The following RIC8B variants were observed in gnomAD, a reference collection of about 807,000 sequenced individuals.
The protein encoded by RIC8B is RIC8 guanine nucleotide exchange factor B.
Under a neutral mutation model 57.5 loss-of-function variants are expected in RIC8B, and 16 were observed. That is an observed-to-expected ratio of 0.28 (90% CI 0.19 to 0.42). RIC8B has a LOEUF of 0.42. Among genes scored for constraint, RIC8B ranks in the 10% least tolerant of loss-of-function variants. The pLI, the probability that RIC8B is intolerant of heterozygous loss-of-function variation, is 1.00. For missense variants in RIC8B, 481 were observed against 677.0 expected (o/e 0.71, Z 3.21); for synonymous variants, 216 against 250.8 (o/e 0.86, Z 1.31).
At chr12:106,822,520 A>G (rs148011229) in intron 3 of RIC8B, 2 of 152,368 alleles carry the variant, frequency 1.3e-5, no homozygotes, top group East Asian at 1.9e-4. Flanking sequence ...AGTACAGCAG[A>G]TAAGTAAATT....
chr12:106,859,714 C>T (rs1227000565), intron 7 of RIC8B, among the ~76,000 whole-genome samples: 2 of 152,042 alleles, frequency 1.3e-5, no homozygotes, highest in Admixed American at 1.3e-4. Flanking sequence ...TCGTAATGGG[C>T]TTCATGTGCT....
At chr12:106,775,331 A>T in intron 1 of RIC8B, 2 of 456,122 alleles carry the variant, frequency 4.4e-6, no homozygotes, top group South Asian at 3.1e-5. Context: ...CAGAGTGTTT[A>T]TAGGGTAGAT....
intron 2 of RIC8B, among the ~76,000 whole-genome samples, chr12:106,803,355 T>G (rs954232817): frequency 6.6e-6 from 1 of 152,100 alleles, no homozygotes; most frequent in Non-Finnish European, 1.5e-5. Flanking sequence ...GTACTGCTAG[T>G]GTTTGTTAAT....
Position 106,810,116 on chromosome 12 carries a change from T to C in RIC8B, c.133-4580T>C, listed in dbSNP as rs574981342. On this transcript the variant is annotated intron_variant, in intron 2 of 9. Transcript: ENST00000392837. ...AAAGAGTGCTTATTATGTCCCAGCG[T>C]CTATTTTATAACATCCCTGTGAGAT... Among the ~76,000 whole-genome samples the C allele has an allele frequency of 2.0e-5, 3 of 150,492 alleles. No individual in the cohort carries two copies. The East Asian group carries it at 5.8e-4, about 29-fold the overall frequency.
chr12:106,816,803 C>T (rs1054545795), intron 3 of RIC8B, among the ~76,000 whole-genome samples: 1 of 152,072 alleles, frequency 6.6e-6, no homozygotes, highest in African/African-American at 2.4e-5. Context: ...TATTAGTATA[C>T]TTCAGTTATA....
At chr12:106,856,154 TGC>T (rs1949708533) in intron 7 of RIC8B, among the ~76,000 whole-genome samples, 1 of 152,182 alleles carries the variant, frequency 6.6e-6, no homozygotes, top group Non-Finnish European at 1.5e-5. Flanking sequence ...ACCATCTTAG[TGC>T]AGACCCTTAA....
intron 2 of RIC8B, among the ~76,000 whole-genome samples, chr12:106,806,148 C>T (rs1385972673): frequency 3.3e-5 from 5 of 152,080 alleles, no homozygotes; most frequent in South Asian, 2.1e-4. Flanking sequence ...GGTTTCTCCA[C>T]GTTGGCCAGG....
chr12:106,827,249 A>G (rs886202631), intron 4 of RIC8B, among the ~76,000 whole-genome samples: 2 of 152,208 alleles, frequency 1.3e-5, no homozygotes, highest in South Asian at 2.1e-4. Context: ...CTTCATCATG[A>G]TGCTACTCAT....
chr12:106,820,579 C>T (rs2045794408), intron 3 of RIC8B, among the ~76,000 whole-genome samples: 1 of 152,200 alleles, frequency 6.6e-6, no homozygotes. Flanking sequence ...ACATTCCCTT[C>T]TCCCGTGCTT....
chr12:106,843,308 A>G (rs1347401737), intron 5 of RIC8B, among the ~76,000 whole-genome samples: 9 of 152,236 alleles, frequency 5.9e-5, no homozygotes, highest in African/African-American at 2.2e-4. Flanking sequence ...AGCATAGTCC[A>G]GTCACCAAAA....
Position 106,879,024 on chromosome 12 carries a change from A to G in RIC8B, c.1572-6880A>G. 1 of 984,142 alleles carries G rather than the reference A, an allele frequency of 1.0e-6. No individual in the cohort carries two copies. 61.0% of individuals were successfully genotyped at this position (984,142 alleles called of 1,614,324 possible). A position where few individuals can be genotyped will look rare whatever the true frequency, so the allele number is the denominator to read the frequency against. On this transcript the variant is annotated intron_variant, in intron 9 of 9. Coordinates refer to ENST00000392837, the MANE Select transcript of RIC8B (RefSeq NM_001330145.2). This position sits in a 1 kb window ranked among gnomAD's most constrained non-coding sequence, Gnocchi z 4.9. ...ATTCCATGTGTCAATACTGCCCTGTAGTACACAGAGCAGACAAGAAAGAAG... is the reference window on the plus strand; with the variant it reads ...ATTCCATGTGTCAATACTGCCCTGTGGTACACAGAGCAGACAAGAAAGAAG...
chr12:106,783,884 T>TA, intron 1 of RIC8B, 113 bp from the exon 2 acceptor site: 3 of 842,226 alleles, frequency 3.6e-6, no homozygotes, highest in Non-Finnish European at 5.8e-6. Context: ...AATATTGAGA[T>TA]ACGGGAAGGC....
At chr12:106,807,456 A>G (rs930999612) in intron 2 of RIC8B, among the ~76,000 whole-genome samples, 1 of 152,234 alleles carries the variant, frequency 6.6e-6, no homozygotes, top group Non-Finnish European at 1.5e-5. Context: ...CCTAGGCTGG[A>G]CTGCCACTTT....
At chr12:106,812,233 G>T (rs921121673) in intron 2 of RIC8B, among the ~76,000 whole-genome samples, 13 of 152,082 alleles carry the variant, frequency 8.5e-5, no homozygotes, top group African/African-American at 3.1e-4. Context: ...TCTTGTCTTT[G>T]CTTGCTGGAT....
chr12:106,797,978 C>T (rs1266405487), intron 2 of RIC8B: 4 of 699,078 alleles, frequency 5.7e-6, no homozygotes, highest in Admixed American at 2.2e-5. Flanking sequence ...TGATTTTAGG[C>T]ACCCGAAATG....
chr12:106,842,937 T>A lies in RIC8B; in HGVS notation c.1065+120T>A, dbSNP rs1430268863. 8 of 596,492 alleles carry A rather than the reference T, an allele frequency of 1.3e-5. No homozygotes were observed. In the East Asian group the frequency reaches 2.2e-4, roughly 16 times the overall value. 36.9% of individuals were successfully genotyped at this position (596,492 alleles called of 1,614,324 possible). A position where few individuals can be genotyped will look rare whatever the true frequency, so the allele number is the denominator to read the frequency against. On this transcript the variant is annotated intron_variant, in intron 5 of 9. Transcript: ENST00000392837. ...ATCTAAGCTTTTTTTCTGACTGATG[T>A]GCTGCATAATTGTTTTTACTTTGGA...
At chr12:106,849,464 AT>A in intron 6 of RIC8B, among the ~76,000 whole-genome samples, 1 of 151,342 alleles carries the variant, frequency 6.6e-6, no homozygotes, top group Admixed American at 6.6e-5. Flanking sequence ...AAAATTAAAA[AT>A]TAAAAAAAAA....
intron 2 of RIC8B, among the ~76,000 whole-genome samples, chr12:106,810,156 C>CTT (rs5800718): frequency 5.7e-4 from 80 of 139,580 alleles, no homozygotes; most frequent in South Asian, 3.6e-3. Flanking sequence ...ATGTTATTTC[C>CTT]TTTTTTTTTT....
intron 4 of RIC8B, among the ~76,000 whole-genome samples, chr12:106,831,693 A>C (rs1290508641): frequency 6.6e-6 from 1 of 152,226 alleles, no homozygotes; most frequent in Non-Finnish European, 1.5e-5. Context: ...ATCATGCTAA[A>C]GTGTCAGAGT....
Sources: allele counts gnomAD v4.1 joint callset (sites outside exome capture counted in the v4.1 genomes callset), GRCh38; gene constraint gnomAD v4.1.1; non-coding constraint Gnocchi (gnomAD v3.1); transcripts MANE v1.5; gene names NCBI Gene and HGNC (gene_info 2026-07-23, HGNC 2026-07-21).